MEI4: variants seen among roughly 807,000 people sequenced by gnomAD.
The protein encoded by MEI4 is meiosis-specific protein MEI4.
A neutral mutation model predicts 31.4 loss-of-function variants in MEI4; 27 were observed. That is an observed-to-expected ratio of 0.86 (90% CI 0.63 to 1.19). The LOEUF (loss-of-function observed/expected upper bound fraction) is 1.19, where lower values mean the gene tolerates loss of function less well. MEI4 is among the 50% of genes most tolerant of loss of function. MEI4 has a pLI of 0.00. For missense variants in MEI4, 329 were observed against 398.9 expected (o/e 0.82, Z 1.49); for synonymous variants, 122 against 145.4 (o/e 0.84, Z 1.16).
intron 2 of MEI4, among the ~76,000 whole-genome samples, chr6:77,739,293 C>T (rs1378646030): frequency 6.6e-6 from 1 of 152,064 alleles, no homozygotes; most frequent in Admixed American, 6.6e-5. Flanking sequence ...TTTCAGTTTT[C>T]TGCATATGGC....
intron 4 of MEI4, among the ~76,000 whole-genome samples, chr6:77,829,369 G>A (rs1489663665): frequency 6.6e-6 from 1 of 152,150 alleles, no homozygotes. Context: ...TGTTTCTAAA[G>A]CAAAATGAGA....
intron 4 of MEI4, among the ~76,000 whole-genome samples, chr6:77,864,876 A>T (rs1383034347): frequency 2.0e-5 from 3 of 152,212 alleles, no homozygotes; most frequent in African/African-American, 7.2e-5. Context: ...ATTATAACAA[A>T]CTGTCTCTCA....
At chr6:77,773,926 T>C (rs1457662554) in intron 3 of MEI4, among the ~76,000 whole-genome samples, 1 of 152,074 alleles carries the variant, frequency 6.6e-6, no homozygotes, top group African/African-American at 2.4e-5. Flanking sequence ...TCAATGTCAT[T>C]GATCATCAGG....
chr6:77,752,854 C>G (rs1767812886), intron 2 of MEI4, among the ~76,000 whole-genome samples: 1 of 151,994 alleles, frequency 6.6e-6, no homozygotes, highest in Non-Finnish European at 1.5e-5. Context: ...TACAACTATA[C>G]TACAAGGCTA....
chr6:77,880,231 TTTG>T (rs1293117821), intron 4 of MEI4, among the ~76,000 whole-genome samples: 1 of 133,422 alleles, frequency 7.5e-6, no homozygotes, highest in African/African-American at 2.9e-5. Flanking sequence ...GTTTTTTTTG[TTTG>T]TTTTTTTTTT....
Position 77,690,777 on chromosome 6 carries a change from C to G in MEI4, c.106C>G (p.Leu36Val), listed in dbSNP as rs184666248. 2 of 1,231,516 alleles carry G rather than the reference C, an allele frequency of 1.6e-6. No homozygotes were observed. Among genetic ancestry groups the G allele is most frequent in the East Asian group, 3.2e-5 (1 of 31,688 alleles). 76.3% of individuals were successfully genotyped at this position (1,231,516 alleles called of 1,614,324 possible). The change falls in exon 2 of 5, where the codon CTT becomes GTT. Residue 36 changes from leucine to valine, a missense_variant. Transcript: ENST00000684080. ...DKSSREYTEH[L>V]AMLLSEEQSK... ...AAGCAGCAGAGAATACACAGAGCAC[C>G]TTGCTATGTTGCTGTCTGAGGAGCA...
At chr6:77,730,007 T>G (rs772701703) in intron 2 of MEI4, among the ~76,000 whole-genome samples, 1 of 151,884 alleles carries the variant, frequency 6.6e-6, no homozygotes, top group Non-Finnish European at 1.5e-5. Flanking sequence ...TGGAACTCTG[T>G]GGCCAAGAGC....
rs567920895 is a variant in MEI4, at chr6:77,744,086, T to C, written c.233-17044T>C. On this transcript the variant is annotated intron_variant, in intron 2 of 4. Coordinates refer to ENST00000684080, the MANE Select transcript of MEI4 (RefSeq NM_001322247.2). ...CCTCTCCTCCTCCAAAGGAATGCAG[T>C]TCCTCACCAGCAATGGAACAAAGCT... Among the ~76,000 whole-genome samples, 248 of 152,224 alleles carry C rather than the reference T, an allele frequency of 1.6e-3. 2 individuals are homozygous for C. The highest frequency in any genetic ancestry group is 5.6e-3 in the African/African-American group (232 of 41,540).
At chr6:77,705,220 T>C (rs1766306662) in intron 2 of MEI4, among the ~76,000 whole-genome samples, 1 of 152,134 alleles carries the variant, frequency 6.6e-6, no homozygotes, top group African/African-American at 2.4e-5. Context: ...TAAGTACCCA[T>C]ATGTGAGGAG....
At position 77,736,305 on chromosome 6, in the gene MEI4, C is replaced by A. The variant is rs533190193; in HGVS notation, c.233-24825C>A. Among the ~76,000 whole-genome samples the A allele has an allele frequency of 1.4e-3, 213 of 152,144 alleles. 3 individuals are homozygous for A. The highest frequency in any genetic ancestry group is 4.5e-3 in the African/African-American group (187 of 41,424). ...CAGCAAGACTCCGTGGGCGTATTAC[C>A]CTCCGAGCCATGTGCGGGATATAAT... On this transcript the variant is annotated intron_variant, in intron 2 of 4. Transcript: ENST00000684080.
intron 4 of MEI4, among the ~76,000 whole-genome samples, chr6:77,921,377 T>A (rs1766698712): frequency 6.6e-6 from 1 of 151,844 alleles, no homozygotes; most frequent in Non-Finnish European, 1.5e-5. Flanking sequence ...TTAGGCCTTT[T>A]CTCTGGTTCA....
chr6:77,898,372 A>G (rs918049295), intron 4 of MEI4, among the ~76,000 whole-genome samples: 1 of 152,066 alleles, frequency 6.6e-6, no homozygotes, highest in Non-Finnish European at 1.5e-5. Flanking sequence ...TACCATGTTG[A>G]ATGCATTCTT....
chr6:77,832,730 ACT>A (rs1378496779), intron 4 of MEI4, among the ~76,000 whole-genome samples: 1 of 152,018 alleles, frequency 6.6e-6, no homozygotes, highest in Non-Finnish European at 1.5e-5. Context: ...ACAAAGTCTG[ACT>A]CTATAATCTA....
intron 4 of MEI4, among the ~76,000 whole-genome samples, chr6:77,863,468 G>A (rs1218951051): frequency 6.6e-6 from 1 of 152,134 alleles, no homozygotes; most frequent in African/African-American, 2.4e-5. Context: ...CGATCAACTG[G>A]AAGAAAGGGT....
chr6:77,804,108 G>C (rs191770383), intron 3 of MEI4, among the ~76,000 whole-genome samples: 1 of 152,292 alleles, frequency 6.6e-6, no homozygotes, highest in African/African-American at 2.4e-5. Flanking sequence ...CTTGAGGTGC[G>C]GTGGGCTCCA....
intron 2 of MEI4, among the ~76,000 whole-genome samples, chr6:77,741,667 G>A (rs1373989718): frequency 6.6e-6 from 1 of 151,684 alleles, no homozygotes; most frequent in Non-Finnish European, 1.5e-5. Context: ...TGTGCACAAT[G>A]TGCAGGTTAG....
intron 2 of MEI4, among the ~76,000 whole-genome samples, chr6:77,741,593 T>A (rs1424921664): frequency 1.3e-5 from 2 of 152,162 alleles, no homozygotes. Flanking sequence ...AGATGTTTGA[T>A]CCAACATCAT....
chr6:77,740,199 T>G (rs2127672320), intron 2 of MEI4, among the ~76,000 whole-genome samples: 1 of 152,354 alleles, frequency 6.6e-6, no homozygotes, highest in East Asian at 1.9e-4. Context: ...CTGCATTTGC[T>G]GAGGAGTTTT....
intron 2 of MEI4, among the ~76,000 whole-genome samples, chr6:77,749,109 CAGA>C (rs1410473361): frequency 1.3e-5 from 2 of 152,282 alleles, no homozygotes; most frequent in East Asian, 3.9e-4. Flanking sequence ...GAGACCCCAG[CAGA>C]AGGTCAGTGA....
Sources: gnomAD v4.1 joint callset for allele counts (sites outside exome capture counted in the v4.1 genomes callset) on GRCh38, gnomAD v4.1.1 for gene constraint, MANE v1.5 for transcripts, NCBI Gene and HGNC (gene_info 2026-07-23, HGNC 2026-07-21) for gene names.